Variants in HSDL1 observed in about 807,000 individuals in gnomAD.
HSDL1 encodes inactive hydroxysteroid dehydrogenase-like protein 1.
HSDL1 carries 29 observed loss-of-function variants against 31.5 expected under a neutral mutation model. The observed-to-expected ratio is 0.92, with a 90% CI of 0.69 to 1.26. HSDL1 has a LOEUF of 1.26. Among genes scored for constraint, HSDL1 ranks in the 50% most tolerant of loss-of-function variants. The pLI is 0.00. For synonymous variants in HSDL1, 222 were observed against 155.2 expected (o/e 1.43, Z -3.20); for missense variants, 503 against 416.6 (o/e 1.21, Z -1.81).
At chr16:84,137,961 G>T (rs908204925) in intron 1 of HSDL1, among the ~76,000 whole-genome samples, 3 of 150,984 alleles carry the variant, frequency 2.0e-5, no homozygotes, top group African/African-American at 7.5e-5. Flanking sequence ...CGGTCTGAGC[G>T]TTCCGCCCCA....
At chr16:84,140,585 A>G (rs2086756924) in intron 1 of HSDL1, among the ~76,000 whole-genome samples, 1 of 152,134 alleles carries the variant, frequency 6.6e-6, no homozygotes, top group South Asian at 2.1e-4. Context: ...AATATATACA[A>G]AAGTATGTAA....
rs1567519480 is a variant in HSDL1 at position 84,129,730 on chromosome 16, A to T, written c.712T>A (p.Ser238Thr). The part of the protein sequence containing the change: ...FSRALQYEYA[S>T]KGIFVQSLIP... ...AGACTCTGTACAAAGATTCCTTTAG[A>T]GGCATATTCATATTGCAAGGCTCTG... is the stretch of plus-strand genomic sequence containing the variant. Residue 238 changes from serine to threonine, a missense_variant, in exon 5 of 6, where the codon TCT (serine) becomes ACT (threonine). Coordinates refer to ENST00000219439, the MANE Select transcript of HSDL1 (RefSeq NM_031463.5). The T allele has an allele frequency of 6.2e-7, 1 of 1,614,234 alleles. No homozygotes were observed.
intron 3 of HSDL1, 97 bp from the exon 4 acceptor site, chr16:84,130,528 A>G: frequency 1.0e-6 from 1 of 993,042 alleles, no homozygotes; most frequent in East Asian, 2.4e-5. Flanking sequence ...TCAGAGAAAA[A>G]TTCACACTAG....
At chr16:84,141,154 C>T (rs1246931075) in intron 1 of HSDL1, among the ~76,000 whole-genome samples, 3 of 152,300 alleles carry the variant, frequency 2.0e-5, no homozygotes, top group Middle Eastern at 3.4e-3. Flanking sequence ...AAAGGAACCA[C>T]ACCACATGGA....
At chr16:84,143,669 C>T (rs554371188) in intron 1 of HSDL1, among the ~76,000 whole-genome samples, 1 of 152,136 alleles carries the variant, frequency 6.6e-6, no homozygotes, top group African/African-American at 2.4e-5. Flanking sequence ...ATATGTTCAA[C>T]TCTGTTGCCC....
chr16:84,138,255 C>A (rs1242991008), intron 1 of HSDL1, among the ~76,000 whole-genome samples: 2 of 152,320 alleles, frequency 1.3e-5, no homozygotes, highest in East Asian at 1.9e-4. Context: ...AATCTACCTG[C>A]AAGAACTTAT....
At chr16:84,135,821 G>C (rs888672919) in intron 1 of HSDL1, among the ~76,000 whole-genome samples, 1 of 152,260 alleles carries the variant, frequency 6.6e-6, no homozygotes, top group African/African-American at 2.4e-5. Context: ...TGGGGGCACA[G>C]TCCATGCGTC....
intron 5 of HSDL1, among the ~76,000 whole-genome samples, chr16:84,127,457 C>T (rs1237236420): frequency 1.3e-5 from 2 of 151,940 alleles, no homozygotes; most frequent in Non-Finnish European, 2.9e-5. Context: ...CTCAGGTGAT[C>T]CACCAGCCTC....
chr16:84,127,925 T>C (rs1386988947), intron 5 of HSDL1, among the ~76,000 whole-genome samples: 1 of 150,760 alleles, frequency 6.6e-6, no homozygotes, highest in African/African-American at 2.4e-5. Context: ...TTCACGGTGT[T>C]AGCCAGGATG....
chr16:84,143,326 T>C (rs934990232), intron 1 of HSDL1, among the ~76,000 whole-genome samples: 1 of 152,206 alleles, frequency 6.6e-6, no homozygotes, highest in Non-Finnish European at 1.5e-5. Flanking sequence ...GAAAACATTA[T>C]GCTAAAGGAC....
chr16:84,135,239 G>GAAAAAAGAAAAAAA (rs1476886911), intron 2 of HSDL1, among the ~76,000 whole-genome samples: 2 of 117,768 alleles, frequency 1.7e-5, no homozygotes, highest in Non-Finnish European at 3.6e-5. Context: ...TCTCAAAAAA[G>GAAAAAAGAAAAAAA]AAAAAAGAAA....
Position 84,122,213 on chromosome 16 carries a change from C to CA in HSDL1, c.*2416_*2417insT, listed in dbSNP as rs2086561095. On this transcript the variant is annotated 3_prime_UTR_variant, in exon 6 of 6. Coordinates refer to ENST00000219439, the MANE Select transcript of HSDL1 (RefSeq NM_031463.5). The stretch of plus-strand genomic sequence containing the variant: ...TCATGTTAATTTCTTGCAATCACTC[C>CA]TAAGAAAAAAAAATTCTCTCATTCC... 1 of 152,376 alleles carries CA rather than the reference C, an allele frequency of 6.6e-6. No individual in the cohort carries two copies. The highest frequency in any genetic ancestry group is 2.4e-5 in the African/African-American group (1 of 41,364). 9.4% of individuals were successfully genotyped at this position (152,376 alleles called of 1,614,324 possible). A position where few individuals can be genotyped will look rare whatever the true frequency, so the allele number is the denominator to read the frequency against.
rs543617136 is a variant in HSDL1 at position 84,137,356 on chromosome 16, T to C, written c.-68-1751A>G. Among the ~76,000 whole-genome samples, 121 of 152,336 alleles carry C rather than the reference T, an allele frequency of 7.9e-4. 3 individuals carry two copies. The highest frequency in any genetic ancestry group is 2.7e-3 in the African/African-American group (113 of 41,584). ...ATGCACAGCACAGGCTGTGCTGTCC[T>C]GTGTGACGCCCCATGTGTGCAGGCG... On this transcript the variant is annotated intron_variant, in intron 1 of 5. Transcript: ENST00000219439.
intron 2 of HSDL1, among the ~76,000 whole-genome samples, chr16:84,134,953 G>C (rs1391220124): frequency 6.6e-6 from 1 of 152,150 alleles, no homozygotes; most frequent in East Asian, 1.9e-4. Flanking sequence ...GATACTACAG[G>C]CCAGCCACGG....
At chr16:84,136,439 C>G (rs559783472) in intron 1 of HSDL1, among the ~76,000 whole-genome samples, 8 of 152,390 alleles carry the variant, frequency 5.2e-5, no homozygotes, top group African/African-American at 1.9e-4. Flanking sequence ...TCCACAATTC[C>G]TGGCACAAAG....
In HSDL1 at chr16:84,142,389, C is replaced by G. The variant is rs142044453; in HGVS notation, c.-69+2691G>C. 4.0e-5 allele frequency among the ~76,000 whole-genome samples: 6 copies of G among 151,218 alleles called. No individual in the cohort carries two copies. The East Asian group carries it at 1.2e-3, about 29-fold the overall frequency. On this transcript the variant is annotated intron_variant, in intron 1 of 5. Transcript: ENST00000219439. ...TTTTTCAGTTTAAGTCTTTAATCCT[C>G]CTGGCGTTTTGTGATGGTGTGAGGC...
intron 1 of HSDL1, among the ~76,000 whole-genome samples, chr16:84,138,373 C>T (rs926305949): frequency 1.3e-5 from 2 of 152,162 alleles, no homozygotes; most frequent in Admixed American, 6.5e-5. Flanking sequence ...ATATAAAATG[C>T]ATACGTCTGG....
chr16:84,132,475 T>C (rs2086678128), intron 2 of HSDL1, among the ~76,000 whole-genome samples: 1 of 152,246 alleles, frequency 6.6e-6, no homozygotes. Context: ...ACTTAATTTG[T>C]AACCATTATG....
At chr16:84,139,643 A>T (rs2086746883) in intron 1 of HSDL1, among the ~76,000 whole-genome samples, 1 of 152,232 alleles carries the variant, frequency 6.6e-6, no homozygotes, top group Non-Finnish European at 1.5e-5. Flanking sequence ...ACAGGGGATA[A>T]GGATAAACAG....
Sources: gnomAD v4.1 joint callset for allele counts (sites outside exome capture counted in the v4.1 genomes callset) on GRCh38, gnomAD v4.1.1 for gene constraint, MANE v1.5 for transcripts, NCBI Gene and HGNC (gene_info 2026-07-23, HGNC 2026-07-21) for gene names.